RRM2: variants seen among roughly 807,000 people sequenced by gnomAD.
The protein encoded by RRM2 is ribonucleotide reductase regulatory subunit M2, also known as ribonucleoside-diphosphate reductase subunit M2.
In RRM2, 6 loss-of-function variants were observed where a neutral mutation model predicts 45.9. The observed-to-expected ratio is 0.13, with a 90% CI of 0.07 to 0.26. The LOEUF (loss-of-function observed/expected upper bound fraction) is 0.26, where lower values mean the gene tolerates loss of function less well. Ranked by LOEUF, RRM2 falls within the 10% of genes least tolerant of loss-of-function variation. The probability of loss-of-function intolerance (pLI) is 1.00; values close to 1 mark genes in which losing one functional copy is unlikely to be tolerated. For missense variants in RRM2, 343 were observed against 489.5 expected, an observed-to-expected ratio of 0.70 and a Z score of 2.82; for synonymous variants, 177 against 173.0, an observed-to-expected ratio of 1.02 and a Z score of -0.18.
Position 10,205,219 on chromosome 2 carries a change from G to C in RRM2, n.483-5092G>C, listed in dbSNP as rs1572538197. Among the ~76,000 whole-genome samples, 1 of 152,362 alleles carries C rather than the reference G, an allele frequency of 6.6e-6. No homozygotes were observed. The highest frequency in any genetic ancestry group is 1.9e-4 in the East Asian group (1 of 5,188). ...GGAGGGGGCGTGGAGCAGGGGCTGA[G>C]GCCTGAGCGGTGAGTGGGGCTCGGT... On this transcript the variant is annotated intron_variant and non_coding_transcript_variant, in intron 3 of 3. Transcript: ENST00000381786. The surrounding 1 kb of genome is among the most constrained non-coding windows in gnomAD (Gnocchi z 4.8).
intron 3 of RRM2, among the ~76,000 whole-genome samples, chr2:10,146,622 C>G (rs1264247542): frequency 6.8e-6 from 1 of 148,096 alleles, no homozygotes; most frequent in Non-Finnish European, 1.5e-5. Flanking sequence ...GCTCCTCGCT[C>G]TGCCCCTGCT....
intron 3 of RRM2, among the ~76,000 whole-genome samples, chr2:10,161,362 C>T (rs1031015488): frequency 5.9e-5 from 9 of 152,174 alleles, no homozygotes; most frequent in African/African-American, 1.4e-4. Context: ...CCTGGCCTGG[C>T]GGTTCTTTAT....
Position 10,122,760 on chromosome 2 carries a change from C to G in RRM2, c.-39C>G, listed in dbSNP as rs1267226247. On this transcript the variant is annotated 5_prime_UTR_variant, in exon 1 of 10. Transcript: ENST00000304567. ...GCCCGTGCACCCTGTCCCAGCCGTC[C>G]TGTCCTGGCTGCTCGCTCTGCTTCG... is the stretch of plus-strand genomic sequence containing the variant. The G allele has an allele frequency of 6.4e-7, 1 of 1,560,986 alleles. No homozygotes were observed. Among genetic ancestry groups the G allele is most frequent in the Non-Finnish European group, 8.7e-7 (1 of 1,152,916 alleles).
chr2:10,190,381 G>C (rs1285147782), intron 3 of RRM2, among the ~76,000 whole-genome samples: 1 of 142,716 alleles, frequency 7.0e-6, no homozygotes, highest in Non-Finnish European at 1.5e-5. Flanking sequence ...TGATGATGTG[G>C]TGATGGTGAT....
At chr2:10,203,299 G>A (rs895173925) in intron 3 of RRM2, among the ~76,000 whole-genome samples, 5 of 152,180 alleles carry the variant, frequency 3.3e-5, no homozygotes, top group Admixed American at 6.5e-5. Context: ...GTCTCGGGCT[G>A]GCCTGGCTGC....
chr2:10,188,788 A>AG (rs1664222422), intron 3 of RRM2, among the ~76,000 whole-genome samples: 1 of 152,126 alleles, frequency 6.6e-6, no homozygotes, highest in Non-Finnish European at 1.5e-5. Flanking sequence ...CCCTGAAGAG[A>AG]GGGTCAGGCG....
rs1232386696 is a variant in RRM2 at position 10,176,916 on chromosome 2, AGTAG to A, written n.483-33394_483-33391del. Among the ~76,000 whole-genome samples, 38 of 152,298 alleles carry A rather than the reference AGTAG, an allele frequency of 2.5e-4. No homozygotes were observed. The East Asian group carries it at 7.1e-3, about 29-fold the overall frequency. The stretch of plus-strand genomic sequence containing the variant: ...ATAGGGTAGGCAATTGTTTCACTTT[AGTAG>A]ATATTAGGTGTAAATTTTGATGTCT... On this transcript the variant is annotated intron_variant and non_coding_transcript_variant, in intron 3 of 3. Coordinates refer to the RRM2 transcript ENST00000381786.
chr2:10,187,828 C>T (rs1224211466), intron 3 of RRM2, among the ~76,000 whole-genome samples: 2 of 152,192 alleles, frequency 1.3e-5, no homozygotes, highest in Non-Finnish European at 2.9e-5. Context: ...GAGAGCCATC[C>T]GCTTCCTGCT....
chr2:10,162,535 C>G (rs1361766470), intron 3 of RRM2, among the ~76,000 whole-genome samples: 1 of 152,148 alleles, frequency 6.6e-6, no homozygotes, highest in East Asian at 1.9e-4. Flanking sequence ...CTTGGCCTGT[C>G]AACAGCGATG....
Position 10,123,536 on chromosome 2 carries a change from C to G in RRM2, c.318+6C>G. 1.2e-6 allele frequency: 2 copies of G among 1,610,284 alleles called. No individual in the cohort carries two copies. Among genetic ancestry groups the G allele is most frequent in the Non-Finnish European group, 1.7e-6 (2 of 1,178,288 alleles). On this transcript the variant is annotated splice_donor_region_variant and intron_variant, in intron 3 of 9. Transcript: ENST00000304567. ...CCTTTTGGACCGCCGAGGAGGTAAT[C>G]GGAGGACCCCAGAAGACCCCTGCAG... is the stretch of plus-strand genomic sequence containing the variant.
intron 3 of RRM2, among the ~76,000 whole-genome samples, chr2:10,165,109 A>AC (rs1195937175): frequency 6.6e-6 from 1 of 152,020 alleles, no homozygotes; most frequent in East Asian, 1.9e-4. Context: ...ACATCACCAC[A>AC]CCTAGCTGAT....
rs61555678 is a variant in RRM2 at position 10,185,278 on chromosome 2, T to TGA, written n.483-25017_483-25016dup. 4.1e-4 allele frequency among the ~76,000 whole-genome samples: 61 copies of TGA among 148,860 alleles called. 1 individual carries two copies. The East Asian group carries it at 6.1e-3, about 15-fold the overall frequency. ...GTGAAAGCGAGACAGAGCGTGAGAGTGAGAGAGAGAGAGAGAGGCAGGAGA... is the reference window on the plus strand; with the variant it reads ...GTGAAAGCGAGACAGAGCGTGAGAGTGAGAGAGAGAGAGAGAGAGGCAGGAGA... On this transcript the variant is annotated intron_variant and non_coding_transcript_variant, in intron 3 of 3. Transcript: ENST00000381786. This position sits in a 1 kb window ranked among gnomAD's most constrained non-coding sequence, Gnocchi z 4.3.
Position 10,182,487 on chromosome 2 carries a change from C to A in RRM2, n.483-27824C>A, listed in dbSNP as rs1022076418. ...TTTGTGGTAATTTGTCACAGCAGCC[C>A]TAAAAAATAAATATACACAGTTTTA... On this transcript the variant is annotated intron_variant and non_coding_transcript_variant, in intron 3 of 3. Coordinates refer to the RRM2 transcript ENST00000381786. Among the ~76,000 whole-genome samples the A allele has an allele frequency of 2.0e-5, 3 of 152,270 alleles. No individual in the cohort carries two copies. The East Asian group carries it at 5.8e-4, about 29-fold the overall frequency.
downstream of RRM2, among the ~76,000 whole-genome samples, chr2:10,132,982 A>T (rs1662928121): frequency 2.0e-5 from 3 of 152,080 alleles, no homozygotes; most frequent in Non-Finnish European, 4.4e-5. Context: ...TACTCATTAG[A>T]TACATCCTCC....
intron 3 of RRM2, among the ~76,000 whole-genome samples, chr2:10,207,771 C>T (rs891152050): frequency 5.3e-4 from 81 of 152,052 alleles, no homozygotes; most frequent in Non-Finnish European, 3.1e-4. Flanking sequence ...GCCATGGTCC[C>T]CTCATCTGTG....
intron 3 of RRM2, among the ~76,000 whole-genome samples, chr2:10,166,488 G>A (rs1300194402): frequency 6.6e-6 from 1 of 152,224 alleles, no homozygotes; most frequent in Non-Finnish European, 1.5e-5. Context: ...GGGATACCGC[G>A]TGTGCTCCCT....
In RRM2 at chr2:10,122,956, T is replaced by C. The variant is rs762751904; in HGVS notation, c.100-27T>C. On this transcript the variant is annotated intron_variant, in intron 1 of 9. Coordinates refer to ENST00000304567, the MANE Select transcript of RRM2 (RefSeq NM_001034.4). The stretch of plus-strand genomic sequence containing the variant: ...AGGGAGGCAGGGAAAGCGAAGCCGC[T>C]CCTCACTCACACGCGTCTCCCCGCA... 8 of 1,546,940 alleles carry C rather than the reference T, an allele frequency of 5.2e-6. No homozygotes were observed. The Admixed American group carries it at 9.7e-5, about 19-fold the overall frequency.
At chr2:10,193,658 C>T (rs1475198970) in intron 3 of RRM2, among the ~76,000 whole-genome samples, 1 of 152,330 alleles carries the variant, frequency 6.6e-6, no homozygotes, top group East Asian at 1.9e-4. Flanking sequence ...CTCCTGGGCA[C>T]CTGTCAGTCA....
intron 3 of RRM2, among the ~76,000 whole-genome samples, chr2:10,202,131 AAT>A (rs954263941): frequency 6.6e-6 from 1 of 152,212 alleles, no homozygotes; most frequent in African/African-American, 2.4e-5. Context: ...CCTTTTAGCC[AAT>A]ATGTTTACAC....
Sources: allele counts gnomAD v4.1 joint callset (sites outside exome capture counted in the v4.1 genomes callset), GRCh38; gene constraint gnomAD v4.1.1; non-coding constraint Gnocchi (gnomAD v3.1); transcripts MANE v1.5; gene names NCBI Gene and HGNC (gene_info 2026-07-23, HGNC 2026-07-21).